The following PRKAR2B variants were observed in gnomAD, a reference collection of about 807,000 sequenced individuals.
PRKAR2B encodes protein kinase cAMP-dependent type II regulatory subunit beta.
PRKAR2B carries 14 observed loss-of-function variants against 49.9 expected under a neutral mutation model. The observed-to-expected ratio is 0.28, with a 90% confidence interval of 0.19 to 0.44. PRKAR2B has a LOEUF of 0.44. PRKAR2B is among the 20% of genes least tolerant of loss of function. The probability of loss-of-function intolerance (pLI) is 1.00; values close to 1 mark genes in which losing one functional copy is unlikely to be tolerated. For synonymous variants in PRKAR2B, 196 were observed against 197.7 expected, an observed-to-expected ratio of 0.99 and a Z score of 0.07; for missense variants, 393 against 537.9, an observed-to-expected ratio of 0.73 and a Z score of 2.67.
intron 2 of PRKAR2B, among the ~76,000 whole-genome samples, chr7:107,086,482 A>T (rs1451304037): frequency 6.6e-6 from 1 of 151,548 alleles, no homozygotes; most frequent in Middle Eastern, 3.2e-3. Flanking sequence ...ATTTTCAGAA[A>T]TGTCTTTTTT....
chr7:107,057,920 A>G (rs1376091039), intron 1 of PRKAR2B, among the ~76,000 whole-genome samples: 1 of 152,234 alleles, frequency 6.6e-6, no homozygotes, highest in Non-Finnish European at 1.5e-5. Flanking sequence ...TTAAAAAGTT[A>G]TTAATGAAAA....
chr7:107,069,855 T>G lies in PRKAR2B; in HGVS notation c.308-426T>G, dbSNP rs573039933. The G allele has an allele frequency of 2.0e-3, 299 of 153,148 alleles. 4 individuals are homozygous for G. The highest frequency in any genetic ancestry group is 2.4e-3 in the Non-Finnish European group (165 of 68,642). The allele number at this position is 153,148 out of a possible 1,614,324, so 9.5% of individuals were successfully genotyped here. ...TCATTTAAGAAATGATGCTGCTGAA[T>G]AGATTTATTCATACATTGCTCTTTC... On this transcript the variant is annotated intron_variant, in intron 1 of 10. Coordinates refer to ENST00000265717, the MANE Select transcript of PRKAR2B (RefSeq NM_002736.3).
intron 4 of PRKAR2B, 73 bp from the exon 5 acceptor site, chr7:107,140,774 T>G: frequency 9.2e-7 from 1 of 1,091,242 alleles, no homozygotes; most frequent in Non-Finnish European, 1.3e-6. Flanking sequence ...TTCACAGAAA[T>G]ATAACTGTGG....
chr7:107,104,162 G>A (rs1221956214), intron 2 of PRKAR2B, among the ~76,000 whole-genome samples: 1 of 152,122 alleles, frequency 6.6e-6, no homozygotes, highest in Admixed American at 6.5e-5. Flanking sequence ...CTCCCAAGTA[G>A]CTAGGACTAC....
At chr7:107,048,398 T>G (rs1415984465) in intron 1 of PRKAR2B, among the ~76,000 whole-genome samples, 3 of 129,248 alleles carry the variant, frequency 2.3e-5, no homozygotes, top group African/African-American at 9.0e-5. Context: ...GGTTTTCCTG[T>G]TTTTTTTTCT....
At chr7:107,111,994 C>T (rs1795181875) in intron 2 of PRKAR2B, among the ~76,000 whole-genome samples, 2 of 133,206 alleles carry the variant, frequency 1.5e-5, no homozygotes, top group African/African-American at 2.8e-5. Context: ...TAGCAAGAGC[C>T]TCCTCTACCA....
At chr7:107,114,010 G>A (rs923924391) in intron 2 of PRKAR2B, among the ~76,000 whole-genome samples, 10 of 152,144 alleles carry the variant, frequency 6.6e-5, no homozygotes, top group African/African-American at 2.2e-4. Context: ...TTGATAAACC[G>A]ATTGAATGCT....
At chr7:107,124,002 T>C (rs969014987) in intron 3 of PRKAR2B, among the ~76,000 whole-genome samples, 1 of 152,188 alleles carries the variant, frequency 6.6e-6, no homozygotes, top group Non-Finnish European at 1.5e-5. Context: ...TATTTAGATG[T>C]AGAAGGATAT....
intron 2 of PRKAR2B, among the ~76,000 whole-genome samples, chr7:107,105,434 A>G (rs1388037201): frequency 2.0e-5 from 3 of 152,220 alleles, no homozygotes; most frequent in Non-Finnish European, 2.9e-5. Context: ...CGCATGGTAC[A>G]ACCAAAGGAG....
In PRKAR2B at chr7:107,086,838, T is replaced by A. The variant is rs10487268; in HGVS notation, c.343+16522T>A. 4.9e-3 allele frequency among the ~76,000 whole-genome samples: 748 copies of A among 152,312 alleles called. 21 individuals carry two copies. Among genetic ancestry groups the A allele is most frequent in the Admixed American group, 0.036 (557 of 15,278 alleles). ...TGATATGGTAAGTTTCAATAGATTA[T>A]CTAATATCGAACTATCCTTATATTC... On this transcript the variant is annotated intron_variant, in intron 2 of 10. Transcript: ENST00000265717.
chr7:107,109,426 A>ATT (rs35160187), intron 2 of PRKAR2B, among the ~76,000 whole-genome samples: 5 of 139,856 alleles, frequency 3.6e-5, no homozygotes. Flanking sequence ...CACTCAGCTA[A>ATT]TTTTTTTTTT....
At position 107,091,415 on chromosome 7, in the gene PRKAR2B, G is replaced by A. The variant is rs575757151; in HGVS notation, c.343+21099G>A. ...GATGACTCTCCTCCCAGAGGAGGGT[G>A]CATCATGACAAATGTCACCTACCCT... On this transcript the variant is annotated intron_variant, in intron 2 of 10. Coordinates refer to ENST00000265717, the MANE Select transcript of PRKAR2B (RefSeq NM_002736.3). Among the ~76,000 whole-genome samples, 14 of 152,264 alleles carry A rather than the reference G, an allele frequency of 9.2e-5. No homozygotes were observed. The South Asian group carries it at 2.9e-3, about 32-fold the overall frequency.
At chr7:107,047,275 C>G (rs971894611) in intron 1 of PRKAR2B, among the ~76,000 whole-genome samples, 9 of 152,138 alleles carry the variant, frequency 5.9e-5, no homozygotes, top group African/African-American at 2.2e-4. Flanking sequence ...TTGATATTTC[C>G]TATTTGAATC....
intron 3 of PRKAR2B, among the ~76,000 whole-genome samples, chr7:107,122,624 C>A (rs903555371): frequency 2.0e-5 from 3 of 152,152 alleles, no homozygotes; most frequent in Non-Finnish European, 4.4e-5. Flanking sequence ...TCACCCTCCC[C>A]CCCTTTTTTT....
chr7:107,160,945 C>G lies in PRKAR2B; in HGVS notation c.*1363C>G, dbSNP rs1405909410. The G allele has an allele frequency of 6.6e-6, 1 of 152,168 alleles. No individual in the cohort carries two copies. The highest frequency in any genetic ancestry group is 1.5e-5 in the Non-Finnish European group (1 of 68,016). 9.4% of individuals were successfully genotyped at this position (152,168 alleles called of 1,614,324 possible). A position where few individuals can be genotyped will look rare whatever the true frequency, so the allele number is the denominator to read the frequency against. Reference sequence around the variant, plus strand: ...GACCCAGTGTCTAGAGACATTAATTCTAACCAGTTGTTTGCTTTTAAATGA... The same window carrying G: ...GACCCAGTGTCTAGAGACATTAATTGTAACCAGTTGTTTGCTTTTAAATGA... On this transcript the variant is annotated 3_prime_UTR_variant, in exon 11 of 11. Coordinates refer to ENST00000265717, the MANE Select transcript of PRKAR2B (RefSeq NM_002736.3).
intron 3 of PRKAR2B, among the ~76,000 whole-genome samples, chr7:107,127,617 T>C (rs1192385170): frequency 6.6e-6 from 1 of 152,202 alleles, no homozygotes; most frequent in Non-Finnish European, 1.5e-5. Context: ...TCTCTTGGAG[T>C]GGCAGTGCAT....
At chr7:107,125,779 A>C (rs1795471137) in intron 3 of PRKAR2B, among the ~76,000 whole-genome samples, 1 of 152,080 alleles carries the variant, frequency 6.6e-6, no homozygotes, top group South Asian at 2.1e-4. Context: ...GGGCTGAGAA[A>C]AAAAATACTA....
At position 107,159,496 on chromosome 7, in the gene PRKAR2B, A is replaced by G; in HGVS notation, c.1171A>G (p.Ile391Val). 1 of 1,614,166 alleles carries G rather than the reference A, an allele frequency of 6.2e-7. No homozygotes were observed. Among genetic ancestry groups the G allele is most frequent in the Non-Finnish European group, 8.5e-7 (1 of 1,179,996 alleles). The change falls in exon 11 of 11, where the codon ATT (isoleucine) becomes GTT (valine). Residue 391 changes from isoleucine (I) to valine (V), a missense_variant. Ile to Val is a conservative substitution (Grantham distance 29, BLOSUM62 3). Around this residue, in one of 2 missense-constraint regions of PRKAR2B, gnomAD observed 233 missense variants for 390.4 expected, o/e 0.60. Transcript: ENST00000265717. Reference sequence around the variant, plus strand: ...AAGGCTTCTGGGACCTTGCATGGAAATTATGAAAAGGAACATCGCTACCTA... The same window carrying G: ...AAGGCTTCTGGGACCTTGCATGGAAGTTATGAAAAGGAACATCGCTACCTA... ...FERLLGPCME[I>V]MKRNIATYEE...
At chr7:107,129,704 G>A (rs566273576) in intron 4 of PRKAR2B, among the ~76,000 whole-genome samples, 1 of 152,294 alleles carries the variant, frequency 6.6e-6, no homozygotes, top group East Asian at 1.9e-4. Context: ...GAGCAGCCCC[G>A]AGAGCTGCTG....
Sources: gnomAD v4.1 joint callset for allele counts (sites outside exome capture counted in the v4.1 genomes callset) on GRCh38, gnomAD v4.1.1 for gene constraint, gnomAD v4.1.1 regional missense constraint, MANE v1.5 for transcripts, NCBI Gene and HGNC (gene_info 2026-07-23, HGNC 2026-07-21) for gene names.